The following CYB5R4 variants were observed in gnomAD, a reference collection of about 807,000 sequenced individuals.
CYB5R4 encodes cytochrome b5 reductase 4.
CYB5R4 carries 55 observed loss-of-function variants against 70.2 expected under a neutral mutation model. The ratio of observed to expected loss-of-function variants is 0.78; its 90% CI spans 0.63 to 0.98. CYB5R4 has a LOEUF of 0.98. Ranked by LOEUF, CYB5R4 falls within the 50% of genes least tolerant of loss-of-function variation. The probability of loss-of-function intolerance (pLI) is 0.00; values close to 1 mark genes in which losing one functional copy is unlikely to be tolerated. For missense variants in CYB5R4, 562 were observed against 612.6 expected (o/e 0.92, Z 0.87); for synonymous variants, 197 against 199.5 (o/e 0.99, Z 0.11).
At chr6:83,889,159 G>C (rs2099460724) in intron 2 of CYB5R4, among the ~76,000 whole-genome samples, 1 of 152,238 alleles carries the variant, frequency 6.6e-6, no homozygotes, top group Admixed American at 6.5e-5. Flanking sequence ...AGCATCAAAT[G>C]CTGATGTAGA....
At chr6:83,929,621 G>C (rs537852135) in intron 10 of CYB5R4, 1 of 151,994 alleles carries the variant, frequency 6.6e-6, no homozygotes, top group Non-Finnish European at 1.5e-5. Flanking sequence ...GCTCTGGGGG[G>C]TGTGTGGGAG....
At chr6:83,917,566 T>TAGC (rs1257962309) in intron 5 of CYB5R4, among the ~76,000 whole-genome samples, 1 of 152,122 alleles carries the variant, frequency 6.6e-6, no homozygotes, top group African/African-American at 2.4e-5. Context: ...ATGAATTCAG[T>TAGC]AGCATGGATA....
chr6:83,892,224 C>T (rs141993489), intron 2 of CYB5R4, among the ~76,000 whole-genome samples: 1 of 152,100 alleles, frequency 6.6e-6, no homozygotes, highest in Admixed American at 6.5e-5. Flanking sequence ...TTTGTGCTTA[C>T]CTTTAAGAGA....
At chr6:83,937,134 G>A (rs2099469039) in intron 12 of CYB5R4, among the ~76,000 whole-genome samples, 1 of 152,096 alleles carries the variant, frequency 6.6e-6, no homozygotes, top group African/African-American at 2.4e-5. Flanking sequence ...AATTAGCCGG[G>A]TATGATGGCG....
At chr6:83,907,513 C>T (rs1030627512) in intron 3 of CYB5R4, among the ~76,000 whole-genome samples, 7 of 150,484 alleles carry the variant, frequency 4.7e-5, no homozygotes, top group African/African-American at 2.4e-5. Context: ...TTCAGGGGTA[C>T]GTGTGCAGGT....
chr6:83,894,892 T>C (rs985991442), intron 3 of CYB5R4, among the ~76,000 whole-genome samples: 2 of 152,104 alleles, frequency 1.3e-5, no homozygotes, highest in Admixed American at 6.5e-5. Context: ...CTTTCTGTCT[T>C]GAAGTGTCAA....
intron 2 of CYB5R4, among the ~76,000 whole-genome samples, chr6:83,864,897 T>C (rs1222544400): frequency 6.6e-6 from 1 of 152,134 alleles, no homozygotes; most frequent in Non-Finnish European, 1.5e-5. Context: ...GACAAGAAGG[T>C]AGCTGATAAA....
At position 83,924,959 on chromosome 6, in the gene CYB5R4, G is replaced by A. The variant is rs951921612; in HGVS notation, c.814+367G>A. On this transcript the variant is annotated intron_variant, in intron 10 of 15. Coordinates refer to ENST00000369681, the MANE Select transcript of CYB5R4 (RefSeq NM_016230.4). ...TCTGCTTGATATTTTTCCTAATGAG[G>A]AAGACATGTTTACTATTTTTCTTCT... Among the ~76,000 whole-genome samples the A allele has an allele frequency of 1.3e-5, 2 of 152,058 alleles. 1 individual carries two copies. Among genetic ancestry groups the A allele is most frequent in the South Asian group, 4.2e-4 (2 of 4,818 alleles).
At chr6:83,951,840 A>G (rs2099471585) in intron 14 of CYB5R4, among the ~76,000 whole-genome samples, 1 of 152,172 alleles carries the variant, frequency 6.6e-6, no homozygotes. Flanking sequence ...CTGGTTCTAG[A>G]TCCTTGAGGA....
chr6:83,870,941 A>G (rs1412511231), intron 2 of CYB5R4, among the ~76,000 whole-genome samples: 1 of 141,296 alleles, frequency 7.1e-6, no homozygotes, highest in Admixed American at 7.0e-5. Context: ...ACATTATTTT[A>G]GTGGTACATG....
At chr6:83,943,502 T>C (rs963992945) in intron 14 of CYB5R4, among the ~76,000 whole-genome samples, 13 of 151,984 alleles carry the variant, frequency 8.6e-5, no homozygotes, top group Admixed American at 4.6e-4. Flanking sequence ...ATCCACGAAG[T>C]TGAGGAAAAA....
chr6:83,920,566 A>G (rs1265022407), intron 7 of CYB5R4, among the ~76,000 whole-genome samples: 6 of 152,138 alleles, frequency 3.9e-5, no homozygotes, highest in Non-Finnish European at 8.8e-5. Flanking sequence ...AATAATATAT[A>G]TCTTACACCA....
chr6:83,951,378 A>G (rs1441352826), intron 14 of CYB5R4, among the ~76,000 whole-genome samples: 1 of 152,118 alleles, frequency 6.6e-6, no homozygotes, highest in Non-Finnish European at 1.5e-5. Flanking sequence ...GGTGGTTTGC[A>G]GCACCCATCA....
Position 83,908,950 on chromosome 6 carries a change from A to G in CYB5R4, c.331-59A>G, listed in dbSNP as rs1288125592. Reference sequence around the variant, plus strand: ...AAAGTTTAGTTTTGCTCGTACTAAAATGAGAGCATCCTGTGGAGTTAGTCA... The same window carrying G: ...AAAGTTTAGTTTTGCTCGTACTAAAGTGAGAGCATCCTGTGGAGTTAGTCA... On this transcript the variant is annotated intron_variant, in intron 3 of 15. Coordinates refer to ENST00000369681, the MANE Select transcript of CYB5R4 (RefSeq NM_016230.4). 4 of 1,435,540 alleles carry G rather than the reference A, an allele frequency of 2.8e-6. No homozygotes were observed. In the Admixed American group the frequency reaches 5.1e-5, roughly 18 times the overall value. The allele number at this position is 1,435,540 out of a possible 1,614,324, so 88.9% of individuals were successfully genotyped here.
intron 2 of CYB5R4, among the ~76,000 whole-genome samples, chr6:83,873,980 A>G (rs1399766356): frequency 2.0e-5 from 3 of 152,124 alleles, no homozygotes; most frequent in African/African-American, 4.8e-5. Flanking sequence ...CTTTGTGATA[A>G]AAGAAATTAT....
chr6:83,909,932 C>T, intron 4 of CYB5R4: 1 of 1,249,616 alleles, frequency 8.0e-7, no homozygotes, highest in African/African-American at 1.5e-5. Flanking sequence ...ATTTTCTGGC[C>T]TAAAATGTTA....
chr6:83,949,487 C>G (rs1181451373), intron 14 of CYB5R4, among the ~76,000 whole-genome samples: 1 of 152,024 alleles, frequency 6.6e-6, no homozygotes, highest in Non-Finnish European at 1.5e-5. Context: ...TAGTAAAGTT[C>G]CTGATGCCAA....
At chr6:83,873,240 T>TTTC (rs1484424968) in intron 2 of CYB5R4, among the ~76,000 whole-genome samples, 1 of 142,250 alleles carries the variant, frequency 7.0e-6, no homozygotes, top group African/African-American at 2.7e-5. Flanking sequence ...TCCTTCTTTT[T>TTTC]TTTTTTTTTT....
chr6:83,950,991 A>T (rs1379718679), intron 14 of CYB5R4, among the ~76,000 whole-genome samples: 1 of 152,134 alleles, frequency 6.6e-6, no homozygotes, highest in East Asian at 1.9e-4. Flanking sequence ...TATTATCACA[A>T]CTAGGGGAAG....
Sources: gnomAD v4.1 joint callset for allele counts (sites outside exome capture counted in the v4.1 genomes callset) on GRCh38, gnomAD v4.1.1 for gene constraint, MANE v1.5 for transcripts, NCBI Gene and HGNC (gene_info 2026-07-23, HGNC 2026-07-21) for gene names.